Variants in GALNT12 observed in about 807,000 individuals in gnomAD.
The protein encoded by GALNT12 is polypeptide N-acetylgalactosaminyltransferase 12, also known as UDP-GalNAc:polypeptide N-acetylgalactosaminyltransferase 12.
GALNT12 carries 45 observed loss-of-function variants against 55.5 expected under a neutral mutation model. The observed-to-expected ratio is 0.81, with a 90% CI of 0.64 to 1.04. The LOEUF is 1.04. GALNT12 is among the 50% of genes least tolerant of loss of function. The probability of loss-of-function intolerance (pLI) is 0.00; values close to 1 mark genes in which losing one functional copy is unlikely to be tolerated. For missense variants in GALNT12, 709 were observed against 754.8 expected, an observed-to-expected ratio of 0.94 and a Z score of 0.71; for synonymous variants, 304 against 312.2, an observed-to-expected ratio of 0.97 and a Z score of 0.28.
At chr9:98,839,641 T>A (rs1486833712) in intron 6 of GALNT12, among the ~76,000 whole-genome samples, 1 of 152,218 alleles carries the variant, frequency 6.6e-6, no homozygotes, top group African/African-American at 2.4e-5. Context: ...GGTTTCAGGA[T>A]GACTTCTGAT....
Position 98,831,890 on chromosome 9 carries a change from G to C in GALNT12, c.850G>C (p.Val284Leu), listed in dbSNP as rs772292450. 4 of 1,614,158 alleles carry C rather than the reference G, an allele frequency of 2.5e-6. No homozygotes were observed. The highest frequency in any genetic ancestry group is 1.6e-4 in the Middle Eastern group (1 of 6,062). The change falls in exon 4 of 10, where the codon GTG becomes CTG. Residue 284 changes from valine to leucine, a missense_variant. Val to Leu is a conservative substitution (Grantham distance 32, BLOSUM62 1). Around this residue, in one of 5 missense-constraint regions of GALNT12, gnomAD observed 315 missense variants for 288.6 expected, o/e 1.09. Coordinates refer to ENST00000375011, the MANE Select transcript of GALNT12 (RefSeq NM_024642.5). ...GATCGGCGGTTTCGACTGGAGGCTGGTGTTCACGTGGCACACAGTTCCTGA... is the reference window on the plus strand; with the variant it reads ...GATCGGCGGTTTCGACTGGAGGCTGCTGTTCACGTGGCACACAGTTCCTGA... Reference protein sequence around the residue: ...PQIGGFDWRLVFTWHTVPERE... With the variant: ...PQIGGFDWRLLFTWHTVPERE...
intron 3 of GALNT12, 97 bp downstream of exon 3, chr9:98,827,038 C>CAG: frequency 7.6e-7 from 1 of 1,320,950 alleles, no homozygotes; most frequent in South Asian, 1.3e-5. Context: ...TAACGGGTTG[C>CAG]CTGGGCTCAG....
chr9:98,820,560 C>T (rs6478895), intron 1 of GALNT12, among the ~76,000 whole-genome samples: 82,565 of 152,144 alleles, frequency 0.54, 23,507 homozygotes, highest in African/African-American at 0.71. Flanking sequence ...AATGAACATG[C>T]GCGTGCATGT....
intron 1 of GALNT12, among the ~76,000 whole-genome samples, chr9:98,812,201 G>T (rs1003428854): frequency 1.3e-5 from 2 of 152,140 alleles, no homozygotes; most frequent in African/African-American, 2.4e-5. Flanking sequence ...ATTTCGGTTA[G>T]TATTTTCCTG....
chr9:98,840,157 G>A (rs374395574), intron 7 of GALNT12, 24 bp downstream of exon 7: 33 of 1,611,914 alleles, frequency 2.0e-5, no homozygotes, highest in South Asian at 8.8e-5. Context: ...GTGGGCCCAC[G>A]GCAGGCAGGG....
chr9:98,813,769 G>A (rs1475403467), intron 1 of GALNT12, among the ~76,000 whole-genome samples: 7 of 151,754 alleles, frequency 4.6e-5, no homozygotes, highest in Non-Finnish European at 8.8e-5. Context: ...CAAAGTGCTG[G>A]GATTACGGGT....
At position 98,826,869 on chromosome 9, in the gene GALNT12, G is replaced by C. The variant is rs1183701126; in HGVS notation, c.659G>C (p.Arg220Thr). 6.2e-7 allele frequency: 1 copy of C among 1,600,012 alleles called. No individual in the cohort carries two copies. The highest frequency in any genetic ancestry group is 1.3e-5 in the African/African-American group (1 of 74,822). The change falls in exon 3 of 10, where the codon AGG (arginine) becomes ACG (threonine). Residue 220 changes from arginine to threonine, a missense_variant. Arg to Thr is a moderately conservative substitution (Grantham distance 71). Around this residue, in one of 5 missense-constraint regions of GALNT12, gnomAD observed 315 missense variants for 288.6 expected, o/e 1.09. Transcript: ENST00000375011. Reference sequence around the variant, plus strand: ...CGGCTGCTGGGGGCGTCTGCGGCGAGGGGCGATGTTCTGACCTTCCTGGAC... The same window carrying C: ...CGGCTGCTGGGGGCGTCTGCGGCGACGGGCGATGTTCTGACCTTCCTGGAC... ...RARLLGASAA[R>T]GDVLTFLDCH...
chr9:98,842,964 A>T (rs1434937057), intron 7 of GALNT12, among the ~76,000 whole-genome samples: 3 of 152,216 alleles, frequency 2.0e-5, no homozygotes. Flanking sequence ...TACTTATAGC[A>T]TATCTCAATT....
At chr9:98,847,198 T>G (rs1338849229) in intron 9 of GALNT12, 1 of 152,238 alleles carries the variant, frequency 6.6e-6, no homozygotes, top group Non-Finnish European at 1.5e-5. Flanking sequence ...TCATTGTTTT[T>G]TATCTCCCTG....
intron 1 of GALNT12, among the ~76,000 whole-genome samples, chr9:98,821,631 A>G (rs945383942): frequency 4.6e-5 from 7 of 150,752 alleles, no homozygotes; most frequent in African/African-American, 1.7e-4. Context: ...TCTCAAAAAA[A>G]AAAAAAGAAA....
intron 3 of GALNT12, among the ~76,000 whole-genome samples, chr9:98,828,470 C>CACCT (rs1321113982): frequency 6.6e-6 from 1 of 152,014 alleles, no homozygotes; most frequent in East Asian, 1.9e-4. Context: ...CATAGATGGC[C>CACCT]ACCTCTACAC....
At chr9:98,842,209 G>C (rs1393711388) in intron 7 of GALNT12, among the ~76,000 whole-genome samples, 1 of 151,792 alleles carries the variant, frequency 6.6e-6, no homozygotes, top group African/African-American at 2.4e-5. Flanking sequence ...TTTGAGACAG[G>C]CTTCTATTCT....
chr9:98,819,369 G>A (rs1020839413), intron 1 of GALNT12, among the ~76,000 whole-genome samples: 5 of 152,176 alleles, frequency 3.3e-5, no homozygotes, highest in Admixed American at 6.5e-5. Context: ...CTGGGGATTC[G>A]GCTCCTGGCT....
chr9:98,848,606 G>A (rs1029676647), intron 9 of GALNT12, among the ~76,000 whole-genome samples: 4 of 152,310 alleles, frequency 2.6e-5, no homozygotes, highest in South Asian at 2.1e-4. Flanking sequence ...CACCCTGCAC[G>A]GAATGAGTTG....
At position 98,850,008 on chromosome 9, in the gene GALNT12, T is replaced by A. The variant is rs1421181899; in HGVS notation, c.*916T>A. On this transcript the variant is annotated 3_prime_UTR_variant, in exon 10 of 10. Coordinates refer to ENST00000375011, the MANE Select transcript of GALNT12 (RefSeq NM_024642.5). Reference sequence around the variant, plus strand: ...CTGAGTAATTCTGATTTGTGAATGATCCCAGACCAACCCTGAGATTTTGTC... The same window carrying A: ...CTGAGTAATTCTGATTTGTGAATGAACCCAGACCAACCCTGAGATTTTGTC... The A allele has an allele frequency of 2.0e-5, 4 of 203,756 alleles. No homozygotes were observed. The highest frequency in any genetic ancestry group is 4.0e-5 in the Non-Finnish European group (4 of 99,482). The allele number at this position is 203,756 out of a possible 1,614,324, so 12.6% of individuals were successfully genotyped here.
intron 9 of GALNT12, 191 bp from the exon 10 acceptor site, chr9:98,848,761 G>A: frequency 3.0e-6 from 2 of 669,214 alleles, no homozygotes; most frequent in Non-Finnish European, 5.2e-6. Context: ...GAGGCAAGCG[G>A]GACGCAGCCT....
At chr9:98,832,501 G>C (rs79438640) in intron 4 of GALNT12, among the ~76,000 whole-genome samples, 8,069 of 152,256 alleles carry the variant, frequency 0.053, 513 homozygotes, top group East Asian at 0.26. Flanking sequence ...CCGGGCGATA[G>C]AGTGACACCC....
chr9:98,839,420 G>A (rs1405912640), intron 6 of GALNT12, among the ~76,000 whole-genome samples: 1 of 152,132 alleles, frequency 6.6e-6, no homozygotes, highest in Non-Finnish European at 1.5e-5. Context: ...ACTAAATAGA[G>A]GCTTGCTGTA....
chr9:98,832,734 A>G (rs1278733435), intron 4 of GALNT12, among the ~76,000 whole-genome samples: 2 of 151,856 alleles, frequency 1.3e-5, no homozygotes, highest in South Asian at 2.1e-4. Context: ...ATCATACAAT[A>G]TTTGTCCTTT....
Sources: gnomAD v4.1 joint callset for allele counts (sites outside exome capture counted in the v4.1 genomes callset) on GRCh38, gnomAD v4.1.1 for gene constraint, gnomAD v4.1.1 regional missense constraint, MANE v1.5 for transcripts, NCBI Gene and HGNC (gene_info 2026-07-23, HGNC 2026-07-21) for gene names.